Variants in NRXN3 observed in about 807,000 individuals in gnomAD.
The protein encoded by NRXN3 is neurexin 3.
NRXN3 carries 32 observed loss-of-function variants against 137.6 expected under a neutral mutation model. That is an observed-to-expected ratio of 0.23 (90% confidence interval 0.18 to 0.31). The LOEUF (loss-of-function observed/expected upper bound fraction) is 0.31, where lower values mean the gene tolerates loss of function less well. Ranked by LOEUF, NRXN3 falls within the 10% of genes least tolerant of loss-of-function variation. The pLI is 1.00. For missense variants in NRXN3, 1,574 were observed against 2,062.5 expected (o/e 0.76, Z 4.59); for synonymous variants, 798 against 784.5 (o/e 1.02, Z -0.29).
At chr14:79,163,282 A>G (rs1568470089) in intron 15 of NRXN3, among the ~76,000 whole-genome samples, 1 of 151,980 alleles carries the variant, frequency 6.6e-6, no homozygotes. Context: ...TGCTCTGTGA[A>G]ACAAGTACTG....
intron 4 of NRXN3, among the ~76,000 whole-genome samples, chr14:78,318,989 A>T (rs1458759533): frequency 1.3e-5 from 2 of 152,334 alleles, no homozygotes; most frequent in East Asian, 3.9e-4. Flanking sequence ...AAGATTCTGC[A>T]TTTTTAACAA....
rs1334829908 is a variant in NRXN3 at position 79,861,864 on chromosome 14, A to G, written c.4616A>G (p.Asn1539Ser). Residue 1539 changes from asparagine to serine, a missense_variant, in exon 21 of 21, where the codon AAC becomes AGC. By Grantham distance (46) the Asn-to-Ser change is conservative. Around this residue, in one of 5 missense-constraint regions of NRXN3, gnomAD observed 320 missense variants for 387.1 expected, o/e 0.83. Coordinates refer to ENST00000335750, the MANE Select transcript of NRXN3 (RefSeq NM_001330195.2). This position sits in a 1 kb window ranked among gnomAD's most constrained non-coding sequence, Gnocchi z 5.4. ...GACGAGACGCGGAACTACATCAGCA[A>G]CTCCGCCCAGAGCAACGGCACGCTC... ...QVDETRNYIS[N>S]SAQSNGTLMK... 6 of 1,613,994 alleles carry G rather than the reference A, an allele frequency of 3.7e-6. No individual in the cohort carries two copies. Among genetic ancestry groups the G allele is most frequent in the East Asian group, 4.5e-5 (2 of 44,868 alleles).
At chr14:79,716,032 G>A (rs1018303524) in intron 19 of NRXN3, among the ~76,000 whole-genome samples, 2 of 152,184 alleles carry the variant, frequency 1.3e-5, no homozygotes, top group African/African-American at 4.8e-5. Flanking sequence ...CTAAAGATAG[G>A]TCATTCCAAG....
intron 15 of NRXN3, among the ~76,000 whole-genome samples, chr14:79,294,426 T>C (rs2083692935): frequency 6.6e-6 from 1 of 152,236 alleles, no homozygotes; most frequent in African/African-American, 2.4e-5. Context: ...TACTGTTATT[T>C]ATAGAATGCT....
chr14:79,347,984 A>G (rs977987784), intron 15 of NRXN3, among the ~76,000 whole-genome samples: 77 of 152,194 alleles, frequency 5.1e-4, no homozygotes, highest in African/African-American at 1.8e-3. Context: ...ACCCTTATAT[A>G]TAATTTTCTA....
intron 15 of NRXN3, among the ~76,000 whole-genome samples, chr14:79,460,279 G>T (rs1482413030): frequency 6.6e-6 from 1 of 152,106 alleles, no homozygotes; most frequent in African/African-American, 2.4e-5. Flanking sequence ...CCCATCAAAA[G>T]TTCCAGCCAA....
chr14:78,916,643 T>C (rs2099256123), intron 10 of NRXN3, among the ~76,000 whole-genome samples: 1 of 152,350 alleles, frequency 6.6e-6, no homozygotes, highest in South Asian at 2.1e-4. Flanking sequence ...TTCAGCCATG[T>C]ACATGTGGTG....
rs561127802 is a variant in NRXN3 at position 79,754,583 on chromosome 14, C to T, written c.4015-50529C>T. On this transcript the variant is annotated intron_variant, in intron 19 of 20. Coordinates refer to ENST00000335750, the MANE Select transcript of NRXN3 (RefSeq NM_001330195.2). Reference sequence around the variant, plus strand: ...ATATATGCACACATACACACACACACACACACATATATATACACACACATA... The same window carrying T: ...ATATATGCACACATACACACACACATACACACATATATATACACACACATA... Among the ~76,000 whole-genome samples the T allele has an allele frequency of 3.0e-4, 42 of 137,770 alleles. 1 individual carries two copies. The South Asian group carries it at 8.9e-3, about 29-fold the overall frequency. 90.4% of individuals were successfully genotyped at this position (137,770 alleles called of 152,430 possible).
At chr14:78,254,410 G>C (rs1176631516) in intron 2 of NRXN3, among the ~76,000 whole-genome samples, 1 of 152,204 alleles carries the variant, frequency 6.6e-6, no homozygotes, top group Non-Finnish European at 1.5e-5. Context: ...GCTGGGGACG[G>C]TGGCTCATGC....
Position 79,673,020 on chromosome 14 carries a change from G to A in NRXN3, c.3616+9071G>A, listed in dbSNP as rs1330275825. On this transcript the variant is annotated intron_variant, in intron 17 of 20. Transcript: ENST00000335750. ...TATAAAGCAGAGAAGGTAATGAAAG[G>A]TGCTCTATACTGTAAATCACTCAAT... Among the ~76,000 whole-genome samples, 5 of 152,004 alleles carry A rather than the reference G, an allele frequency of 3.3e-5. No homozygotes were observed. The East Asian group carries it at 7.7e-4, about 24-fold the overall frequency.
At chr14:79,242,557 T>TC (rs2074475380) in intron 15 of NRXN3, among the ~76,000 whole-genome samples, 1 of 152,120 alleles carries the variant, frequency 6.6e-6, no homozygotes, top group Non-Finnish European at 1.5e-5. Flanking sequence ...AAAGCTGCAG[T>TC]GAGGGTTGTT....
chr14:79,043,649 G>A (rs893673645), intron 15 of NRXN3, among the ~76,000 whole-genome samples: 3 of 152,174 alleles, frequency 2.0e-5, no homozygotes, highest in Non-Finnish European at 4.4e-5. Flanking sequence ...TGCTGTACAG[G>A]TCTTGGGTAG....
intron 19 of NRXN3, among the ~76,000 whole-genome samples, chr14:79,792,636 A>C (rs1038760951): frequency 3.3e-5 from 5 of 152,234 alleles, no homozygotes; most frequent in Non-Finnish European, 7.3e-5. Flanking sequence ...TAAATTAAAA[A>C]TATTTTTCTG....
At chr14:78,770,157 C>T (rs963261599) in intron 8 of NRXN3, among the ~76,000 whole-genome samples, 7 of 152,146 alleles carry the variant, frequency 4.6e-5, no homozygotes, top group Admixed American at 1.3e-4. Context: ...TGGCTTGTAT[C>T]AACATCCCTA....
At chr14:78,874,370 A>G (rs1416861246) in intron 10 of NRXN3, among the ~76,000 whole-genome samples, 3 of 152,308 alleles carry the variant, frequency 2.0e-5, no homozygotes, top group African/African-American at 7.2e-5. Flanking sequence ...TAAGTAATGT[A>G]ATCAATGTGG....
intron 15 of NRXN3, among the ~76,000 whole-genome samples, chr14:79,051,423 A>G (rs568241693): frequency 8.9e-4 from 136 of 152,350 alleles, no homozygotes; most frequent in African/African-American, 3.1e-3. Context: ...ACATGCCTTT[A>G]GCCGCACAGG....
chr14:79,848,636 T>C (rs2099385499), intron 20 of NRXN3, among the ~76,000 whole-genome samples: 1 of 152,138 alleles, frequency 6.6e-6, no homozygotes, highest in Non-Finnish European at 1.5e-5. Flanking sequence ...CAGTCAGAAA[T>C]GAAGGTTTTG....
chr14:78,799,320 A>G (rs1012498453), intron 8 of NRXN3, among the ~76,000 whole-genome samples: 3 of 152,202 alleles, frequency 2.0e-5, no homozygotes, highest in Non-Finnish European at 4.4e-5. Flanking sequence ...TCTCTAGGGC[A>G]TGGAACAAAA....
chr14:78,683,823 C>T (rs746423038), intron 6 of NRXN3, among the ~76,000 whole-genome samples: 30 of 152,184 alleles, frequency 2.0e-4, no homozygotes, highest in Admixed American at 3.3e-4. Flanking sequence ...AATATTTTGT[C>T]GTGACTTACT....
Sources: gnomAD v4.1 joint callset for allele counts (sites outside exome capture counted in the v4.1 genomes callset) on GRCh38, gnomAD v4.1.1 for gene constraint, gnomAD v4.1.1 regional missense constraint, Gnocchi (gnomAD v3.1) non-coding constraint, MANE v1.5 for transcripts, NCBI Gene and HGNC (gene_info 2026-07-23, HGNC 2026-07-21) for gene names.